Variants in CRACD observed in about 807,000 individuals in gnomAD.
CRACD encodes capping protein-inhibiting regulator of actin dynamics.
Under a neutral mutation model 106.8 loss-of-function variants are expected in CRACD, and 56 were observed. That is an observed-to-expected ratio of 0.52 (90% CI 0.42 to 0.66). The LOEUF is 0.66. Among genes scored for constraint, CRACD ranks in the 30% least tolerant of loss-of-function variants. The pLI, the probability that CRACD is intolerant of heterozygous loss-of-function variation, is 0.00. For synonymous variants in CRACD, 754 were observed against 670.8 expected (o/e 1.12, Z -1.92); for missense variants, 1,730 against 1,623.2 (o/e 1.07, Z -1.13).
At chr4:56,091,109 G>A (rs1055903879) in intron 1 of CRACD, among the ~76,000 whole-genome samples, 15 of 152,078 alleles carry the variant, frequency 9.9e-5, no homozygotes, top group Non-Finnish European at 1.5e-5. Context: ...GTGGGGCGCA[G>A]TATTGCAATC....
chr4:56,166,474 A>G (rs1244919328), intron 1 of CRACD, among the ~76,000 whole-genome samples: 1 of 152,034 alleles, frequency 6.6e-6, no homozygotes, highest in East Asian at 1.9e-4. Context: ...TGAGGTCAGG[A>G]GTTCAAGACC....
chr4:56,052,782 C>G (rs926666575), intron 1 of CRACD, among the ~76,000 whole-genome samples: 3 of 152,034 alleles, frequency 2.0e-5, no homozygotes, highest in African/African-American at 7.2e-5. Flanking sequence ...TCTCTGATCC[C>G]AAAGCCTGTC....
intron 3 of CRACD, among the ~76,000 whole-genome samples, chr4:56,274,423 T>G (rs1440874576): frequency 6.6e-6 from 1 of 151,430 alleles, no homozygotes; most frequent in Non-Finnish European, 1.5e-5. Context: ...AGGTATAGCA[T>G]AGTTTTGCCA....
chr4:56,191,430 T>A (rs1257724684), intron 2 of CRACD, among the ~76,000 whole-genome samples: 1 of 144,122 alleles, frequency 6.9e-6, no homozygotes, highest in East Asian at 2.4e-4. Context: ...TCTCCCTCCC[T>A]CTCTCTCTGT....
chr4:56,175,201 G>C (rs1441784494), intron 1 of CRACD, among the ~76,000 whole-genome samples: 1 of 152,172 alleles, frequency 6.6e-6, no homozygotes, highest in Non-Finnish European at 1.5e-5. Flanking sequence ...CAGTGAGATT[G>C]CTGGATCATA....
chr4:56,327,897 C>A lies in CRACD; in HGVS notation c.*93C>A. 2 of 1,147,530 alleles carry A rather than the reference C, an allele frequency of 1.7e-6. No homozygotes were observed. The highest frequency in any genetic ancestry group is 1.6e-5 in the South Asian group (1 of 61,668). The allele number at this position is 1,147,530 out of a possible 1,614,324, so 71.1% of individuals were successfully genotyped here. On this transcript the variant is annotated 3_prime_UTR_variant, in exon 11 of 11. Transcript: ENST00000682029. ...TTTTATATGGGGTAAAGAAATCAAGCTAGGGAAAAGAAGCATGTTTTATAG... is the reference window on the plus strand; with the variant it reads ...TTTTATATGGGGTAAAGAAATCAAGATAGGGAAAAGAAGCATGTTTTATAG...
intron 2 of CRACD, among the ~76,000 whole-genome samples, chr4:56,184,243 G>A (rs1431978015): frequency 6.6e-6 from 1 of 152,086 alleles, no homozygotes; most frequent in African/African-American, 2.4e-5. Context: ...GTTAATTTTT[G>A]TACTTTTAGT....
chr4:56,258,162 C>T (rs961802561), intron 2 of CRACD, among the ~76,000 whole-genome samples: 1 of 152,112 alleles, frequency 6.6e-6, no homozygotes, highest in Non-Finnish European at 1.5e-5. Flanking sequence ...GAAACTTGGC[C>T]TCTACAACTC....
intron 2 of CRACD, among the ~76,000 whole-genome samples, chr4:56,206,356 A>G (rs1738121549): frequency 6.6e-6 from 1 of 152,238 alleles, no homozygotes; most frequent in South Asian, 2.1e-4. Context: ...CCTGAGAAGC[A>G]GGATGAAGCA....
chr4:56,088,298 G>A (rs916476937), intron 1 of CRACD, among the ~76,000 whole-genome samples: 3 of 151,866 alleles, frequency 2.0e-5, no homozygotes, highest in African/African-American at 7.2e-5. Context: ...GTCCTTACTG[G>A]GGCCACCCTC....
rs60416477 is a variant in CRACD at position 56,255,133 on chromosome 4, A to AAAAAAT, written c.-188-17187_-188-17186insAAAATA. Among the ~76,000 whole-genome samples the AAAAAAT allele has an allele frequency of 2.7e-4, 37 of 138,832 alleles. 1 individual carries two copies. The East Asian group carries it at 3.2e-3, about 12-fold the overall frequency. The allele number at this position is 138,832 out of a possible 152,430, so 91.1% of individuals were successfully genotyped here. ...CATCTCAAAAAAAAAAAAAAAAAAA[A>AAAAAAT]ACTAAAAATTGGCCAATGAAATCAT... On this transcript the variant is annotated intron_variant, in intron 2 of 10. Coordinates refer to ENST00000682029, the MANE Select transcript of CRACD (RefSeq NM_001393381.1).
At chr4:56,145,739 C>T (rs370421010) in intron 1 of CRACD, among the ~76,000 whole-genome samples, 11 of 152,048 alleles carry the variant, frequency 7.2e-5, no homozygotes, top group Admixed American at 2.6e-4. Flanking sequence ...ACTCAGCCCC[C>T]CAAAGTAGCT....
At chr4:56,270,095 T>C (rs1420679783) in intron 2 of CRACD, among the ~76,000 whole-genome samples, 2 of 152,244 alleles carry the variant, frequency 1.3e-5, no homozygotes, top group Non-Finnish European at 2.9e-5. Context: ...TGTTTGCACC[T>C]GTACTAATGT....
chr4:56,138,828 T>C (rs1229482517), intron 1 of CRACD, among the ~76,000 whole-genome samples: 1 of 152,188 alleles, frequency 6.6e-6, no homozygotes, highest in African/African-American at 2.4e-5. Flanking sequence ...AAATAACCTG[T>C]CCCTCTTTTA....
intron 4 of CRACD, among the ~76,000 whole-genome samples, chr4:56,301,734 C>T (rs925505809): frequency 1.3e-5 from 2 of 151,820 alleles, no homozygotes; most frequent in African/African-American, 4.8e-5. Context: ...TATCTCTCCA[C>T]GGAGTACAGA....
At position 56,314,541 on chromosome 4, in the gene CRACD, C is replaced by CAGG. The variant is rs980701818; in HGVS notation, c.1050_1052dup (p.Glu351dup). The CAGG allele has an allele frequency of 2.0e-6, 3 of 1,506,874 alleles. No homozygotes were observed. Among genetic ancestry groups the CAGG allele is most frequent in the Admixed American group, 2.2e-5 (1 of 44,696 alleles). The allele number at this position is 1,506,874 out of a possible 1,614,324, so 93.3% of individuals were successfully genotyped here. On this transcript the variant is annotated inframe_insertion, in exon 8 of 11. Transcript: ENST00000682029. The surrounding 1 kb of genome is among the most constrained non-coding windows in gnomAD (Gnocchi z 4.4). ...CGCCAGGCTGGAGGAGCGGAGGCGG[C>CAGG]AGGAGGAGGAGGAAGGAAGATGCGC...
At chr4:56,230,674 G>A (rs1017975186) in intron 2 of CRACD, among the ~76,000 whole-genome samples, 1 of 152,140 alleles carries the variant, frequency 6.6e-6, no homozygotes, top group Admixed American at 6.6e-5. Context: ...GGCTCCTAAG[G>A]TCTTCAAAGT....
chr4:56,066,318 A>G (rs1732466820), intron 1 of CRACD, among the ~76,000 whole-genome samples: 1 of 152,126 alleles, frequency 6.6e-6, no homozygotes, highest in African/African-American at 2.4e-5. Context: ...TTTTTGGAGC[A>G]TTCTTAAGTA....
At chr4:56,232,153 T>G (rs1047343675) in intron 2 of CRACD, among the ~76,000 whole-genome samples, 2 of 152,210 alleles carry the variant, frequency 1.3e-5, no homozygotes, top group Non-Finnish European at 2.9e-5. Context: ...AGGCAACCAC[T>G]AATCTGCTTC....
Sources: gnomAD v4.1 joint callset for allele counts (sites outside exome capture counted in the v4.1 genomes callset) on GRCh38, gnomAD v4.1.1 for gene constraint, Gnocchi (gnomAD v3.1) non-coding constraint, MANE v1.5 for transcripts, NCBI Gene and HGNC (gene_info 2026-07-23, HGNC 2026-07-21) for gene names.